PTPRD: variants seen among roughly 807,000 people sequenced by gnomAD.
PTPRD encodes protein tyrosine phosphatase receptor type D.
A neutral mutation model predicts 214.5 loss-of-function variants in PTPRD; 34 were observed. The ratio of observed to expected loss-of-function variants is 0.16; its 90% CI spans 0.12 to 0.21. PTPRD has a LOEUF of 0.21. Among genes scored for constraint, PTPRD ranks in the 10% least tolerant of loss-of-function variants. The pLI is 1.00. For missense variants in PTPRD, 2,545 were observed against 2,398.7 expected (o/e 1.06, Z -1.27); for synonymous variants, 1,128 against 845.7 (o/e 1.33, Z -5.79).
intron 7 of PTPRD, among the ~76,000 whole-genome samples, chr9:9,633,730 G>C (rs1434718732): frequency 6.6e-6 from 1 of 152,122 alleles, no homozygotes; most frequent in Non-Finnish European, 1.5e-5. Context: ...AATGAAGGTA[G>C]AACAGGAGGA....
chr9:10,558,798 G>A (rs1334500301), intron 2 of PTPRD, among the ~76,000 whole-genome samples: 1 of 152,120 alleles, frequency 6.6e-6, no homozygotes, highest in African/African-American at 2.4e-5. Context: ...TTGTAAGCAT[G>A]TAAAAACAAT....
chr9:10,574,250 CTA>C (rs1016170584), intron 2 of PTPRD, among the ~76,000 whole-genome samples: 82 of 151,984 alleles, frequency 5.4e-4, no homozygotes, highest in Admixed American at 4.6e-3. Flanking sequence ...TTTTCTGGGT[CTA>C]TCTCTGCCCT....
chr9:9,542,799 A>G (rs916337080), intron 8 of PTPRD, among the ~76,000 whole-genome samples: 1 of 151,714 alleles, frequency 6.6e-6, no homozygotes, highest in Non-Finnish European at 1.5e-5. Context: ...AATCAACAAT[A>G]CAATTCCTAG....
intron 9 of PTPRD, among the ~76,000 whole-genome samples, chr9:9,298,052 G>C (rs1953778836): frequency 6.6e-6 from 1 of 151,730 alleles, no homozygotes; most frequent in African/African-American, 2.4e-5. Context: ...TAAAATGTGA[G>C]AGACAATGGA....
intron 3 of PTPRD, among the ~76,000 whole-genome samples, chr9:10,099,441 G>A (rs942141501): frequency 1.3e-5 from 2 of 151,782 alleles, no homozygotes; most frequent in East Asian, 3.9e-4. Context: ...ATGAGTTATA[G>A]TAAATTATAC....
chr9:10,274,182 G>A (rs1222536982), intron 3 of PTPRD, among the ~76,000 whole-genome samples: 1 of 152,098 alleles, frequency 6.6e-6, no homozygotes, highest in Non-Finnish European at 1.5e-5. Flanking sequence ...AAATTAGACG[G>A]CAGGTAAGCC....
At chr9:8,578,959 A>T (rs1166122936) in intron 14 of PTPRD, among the ~76,000 whole-genome samples, 1 of 152,170 alleles carries the variant, frequency 6.6e-6, no homozygotes, top group Admixed American at 6.5e-5. Flanking sequence ...TCAATTTATA[A>T]ATGTATTAAG....
intron 10 of PTPRD, among the ~76,000 whole-genome samples, chr9:9,141,884 G>A (rs886320828): frequency 6.6e-6 from 1 of 151,970 alleles, no homozygotes; most frequent in African/African-American, 2.4e-5. Context: ...CATGGGAATC[G>A]TGGAGGTTTA....
chr9:10,209,160 T>C (rs1052009684), intron 3 of PTPRD, among the ~76,000 whole-genome samples: 1 of 152,164 alleles, frequency 6.6e-6, no homozygotes, highest in Non-Finnish European at 1.5e-5. Flanking sequence ...GCCAAGAAGA[T>C]AGACAGCACT....
intron 5 of PTPRD, among the ~76,000 whole-genome samples, chr9:9,849,743 T>G (rs2060194600): frequency 6.6e-6 from 1 of 152,176 alleles, no homozygotes; most frequent in Non-Finnish European, 1.5e-5. Flanking sequence ...TGTGCTAATT[T>G]GAGTGGACTT....
At chr9:9,573,826 A>C (rs1644360461) in intron 8 of PTPRD, among the ~76,000 whole-genome samples, 1 of 151,820 alleles carries the variant, frequency 6.6e-6, no homozygotes, top group Admixed American at 6.6e-5. Context: ...GTAATGAAAA[A>C]GTATACCTTA....
chr9:9,021,599 G>T (rs1046053467), intron 10 of PTPRD, among the ~76,000 whole-genome samples: 3 of 151,952 alleles, frequency 2.0e-5, no homozygotes, highest in Admixed American at 6.6e-5. Flanking sequence ...CCAAAATAAG[G>T]CATTGCTGTC....
At chr9:10,448,844 G>C (rs1320550109) in intron 2 of PTPRD, among the ~76,000 whole-genome samples, 1 of 151,900 alleles carries the variant, frequency 6.6e-6, no homozygotes, top group Non-Finnish European at 1.5e-5. Flanking sequence ...TCCAAATAGA[G>C]AAGGGATCCA....
intron 44 of PTPRD, among the ~76,000 whole-genome samples, chr9:8,321,368 C>G (rs1827282029): frequency 6.6e-6 from 1 of 150,696 alleles, no homozygotes; most frequent in South Asian, 2.1e-4. Context: ...TTTCAATTTA[C>G]TGGTTTTATC....
chr9:9,662,600 A>C (rs558907712), intron 7 of PTPRD, among the ~76,000 whole-genome samples: 1 of 151,664 alleles, frequency 6.6e-6, no homozygotes, highest in African/African-American at 2.4e-5. Context: ...GAAAAGGCTA[A>C]GAAAACATTT....
intron 12 of PTPRD, among the ~76,000 whole-genome samples, chr9:8,700,330 G>C (rs1167701951): frequency 6.6e-6 from 1 of 152,136 alleles, no homozygotes; most frequent in Non-Finnish European, 1.5e-5. Context: ...TCAGCATAAA[G>C]GAATCAAAAC....
chr9:9,967,438 G>C (rs1001028921), intron 4 of PTPRD, among the ~76,000 whole-genome samples: 1 of 152,158 alleles, frequency 6.6e-6, no homozygotes, highest in Admixed American at 6.6e-5. Context: ...GTCTATTAAG[G>C]ATAGTGCAGA....
intron 2 of PTPRD, among the ~76,000 whole-genome samples, chr9:10,548,297 C>T (rs1421950443): frequency 1.3e-5 from 2 of 152,044 alleles, no homozygotes; most frequent in African/African-American, 2.4e-5. Flanking sequence ...GCTTTTTCTC[C>T]TCCTAAGAAT....
intron 7 of PTPRD, among the ~76,000 whole-genome samples, chr9:9,657,780 T>C (rs2154377643): frequency 6.6e-6 from 1 of 152,328 alleles, no homozygotes; most frequent in African/African-American, 2.4e-5. Flanking sequence ...GGCAAACCAA[T>C]TGTACATCGT....
Sources: allele counts gnomAD v4.1 joint callset (sites outside exome capture counted in the v4.1 genomes callset), GRCh38; gene constraint gnomAD v4.1.1; transcripts MANE v1.5; gene names NCBI Gene and HGNC (gene_info 2026-07-23, HGNC 2026-07-21).